SP4: variants seen among roughly 807,000 people sequenced by gnomAD.
The protein encoded by SP4 is transcription factor Sp4.
SP4 carries 19 observed loss-of-function variants against 72.8 expected under a neutral mutation model. The observed-to-expected ratio is 0.26, with a 90% CI of 0.18 to 0.38. The LOEUF is 0.38. Ranked by LOEUF, SP4 falls within the 10% of genes least tolerant of loss-of-function variation. SP4 has a pLI of 1.00. For missense variants in SP4, 1,008 were observed against 926.3 expected (o/e 1.09, Z -1.14); for synonymous variants, 395 against 333.1 (o/e 1.19, Z -2.02).
intron 3 of SP4, among the ~76,000 whole-genome samples, chr7:21,434,665 A>G (rs1047136949): frequency 1.5e-4 from 23 of 152,084 alleles, no homozygotes; most frequent in African/African-American, 5.6e-4. Flanking sequence ...ACATGGATAT[A>G]TTGCATAGTG....
At chr7:21,482,667 C>T (rs576730381) in intron 5 of SP4, 2 of 984,182 alleles carry the variant, frequency 2.0e-6, no homozygotes, top group South Asian at 9.4e-5. Flanking sequence ...AAGACTGCAG[C>T]TGCTATAAAT....
intron 3 of SP4, among the ~76,000 whole-genome samples, chr7:21,460,848 A>G (rs1783945529): frequency 6.6e-6 from 1 of 152,208 alleles, no homozygotes; most frequent in Non-Finnish European, 1.5e-5. Flanking sequence ...AGCTAGACAC[A>G]GAGTGCTGAT....
chr7:21,490,114 A>T (rs1284536028), intron 5 of SP4, among the ~76,000 whole-genome samples: 2 of 152,246 alleles, frequency 1.3e-5, no homozygotes, highest in African/African-American at 4.8e-5. Context: ...TTTCTTAAGT[A>T]TCTAAATGAG....
chr7:21,488,654 G>A (rs894937741), intron 5 of SP4, among the ~76,000 whole-genome samples: 1 of 151,956 alleles, frequency 6.6e-6, no homozygotes, highest in Non-Finnish European at 1.5e-5. Context: ...CAGCTACTCA[G>A]GAGGCTGAGG....
chr7:21,450,220 A>G (rs1783547615), intron 3 of SP4, among the ~76,000 whole-genome samples: 1 of 152,078 alleles, frequency 6.6e-6, no homozygotes, highest in African/African-American at 2.4e-5. Flanking sequence ...TTCTGTTTTT[A>G]TGGTAAATTT....
rs369801483 is a variant in SP4 at position 21,430,692 on chromosome 7, G to A, written c.1527G>A (p.Gln509=). The A allele has an allele frequency of 6.2e-7, 1 of 1,614,220 alleles. No homozygotes were observed. Among genetic ancestry groups the A allele is most frequent in the Non-Finnish European group, 8.5e-7 (1 of 1,180,040 alleles). ...CAAGTGGTGGCACAACTCTTGCTCA[G>A]ATTGCTCCTGTGGCTGTTGCTGGTG... ...VSSSGGTTLA[Q]IAPVAVAGAP... is the part of the protein sequence containing the mutation. Residue 509 remains glutamine (Q), a synonymous_variant, in exon 3 of 6, where the codon CAG becomes CAA. Coordinates refer to ENST00000222584, the MANE Select transcript of SP4 (RefSeq NM_003112.5).
intron 3 of SP4, among the ~76,000 whole-genome samples, chr7:21,459,113 G>A (rs1472124407): frequency 8.6e-6 from 1 of 116,232 alleles, no homozygotes; most frequent in Non-Finnish European, 1.7e-5. Flanking sequence ...TAATGTTTTG[G>A]GAATTGTTTT....
intron 5 of SP4, among the ~76,000 whole-genome samples, chr7:21,482,324 T>C (rs373074657): frequency 6.6e-6 from 1 of 152,234 alleles, no homozygotes; most frequent in South Asian, 2.1e-4. Flanking sequence ...TTGTAAACTT[T>C]ATCAGCATAT....
intron 3 of SP4, among the ~76,000 whole-genome samples, chr7:21,451,880 A>G (rs1783612258): frequency 6.6e-6 from 1 of 152,214 alleles, no homozygotes; most frequent in South Asian, 2.1e-4. Context: ...GAGACTCCCA[A>G]CATGCCAGGC....
chr7:21,459,082 A>C (rs959527519), intron 3 of SP4, among the ~76,000 whole-genome samples: 13 of 151,620 alleles, frequency 8.6e-5, no homozygotes, highest in Non-Finnish European at 1.9e-4. Flanking sequence ...TTAAACTTCT[A>C]TAGAATTAAA....
chr7:21,428,582 C>T, intron 1 of SP4, 95 bp from the exon 2 acceptor site: 1 of 1,255,248 alleles, frequency 8.0e-7, no homozygotes, highest in Non-Finnish European at 1.1e-6. Flanking sequence ...GATTAATGTT[C>T]GGGGGGAGGG....
intron 5 of SP4, among the ~76,000 whole-genome samples, chr7:21,504,563 G>C (rs996487228): frequency 5.3e-5 from 8 of 152,100 alleles, no homozygotes; most frequent in African/African-American, 1.9e-4. Flanking sequence ...CCTAAGGTTT[G>C]GTCCTACTTT....
chr7:21,501,001 C>T (rs1340205331), intron 5 of SP4, among the ~76,000 whole-genome samples: 1 of 152,032 alleles, frequency 6.6e-6, no homozygotes, highest in Non-Finnish European at 1.5e-5. Context: ...GCAGGCACAC[C>T]CAGGGCAGTT....
At position 21,459,519 on chromosome 7, in the gene SP4, T is replaced by G. The variant is rs1050860780; in HGVS notation, c.1679-17560T>G. On this transcript the variant is annotated intron_variant, in intron 3 of 5. Coordinates refer to ENST00000222584, the MANE Select transcript of SP4 (RefSeq NM_003112.5). ...GAGGGGAAAGATACTAACCATAAAC[T>G]CTTTGTGTTTTACCCAGGTAATATA... is the stretch of plus-strand genomic sequence containing the variant. Among the ~76,000 whole-genome samples, 25 of 152,310 alleles carry G rather than the reference T, an allele frequency of 1.6e-4. No homozygotes were observed. In the South Asian group the frequency reaches 2.1e-3, roughly 13 times the overall value.
chr7:21,460,647 G>A (rs1023266084), intron 3 of SP4, among the ~76,000 whole-genome samples: 10 of 152,286 alleles, frequency 6.6e-5, no homozygotes, highest in East Asian at 3.9e-4. Flanking sequence ...ACAGAGAGCC[G>A]ATTGGTCTGT....
intron 4 of SP4, among the ~76,000 whole-genome samples, chr7:21,477,870 G>T (rs57213984): frequency 0.035 from 5,322 of 151,936 alleles, 326 homozygotes; most frequent in East Asian, 0.26. Context: ...AAATATTTAC[G>T]TAACTTTATT....
rs147430034 is a variant in SP4 at position 21,430,196 on chromosome 7, C to A, written c.1031C>A (p.Thr344Asn). The A allele has an allele frequency of 1.0e-3, 1,674 of 1,614,202 alleles. 2 individuals carry two copies. The highest frequency in any genetic ancestry group is 1.3e-3 in the Non-Finnish European group (1,567 of 1,180,044). The change falls in exon 3 of 6, where the codon ACT (threonine) becomes AAT (asparagine). Residue 344 changes from threonine to asparagine, a missense_variant. By Grantham distance (65) the Thr-to-Asn change is moderately conservative (BLOSUM62 0). Transcript: ENST00000222584. Reference protein sequence around the residue: ...SSDTLVSSADTGQYASTSASS... With the variant: ...SSDTLVSSADNGQYASTSASS... The stretch of plus-strand genomic sequence containing the variant: ...GACACATTAGTGAGCTCAGCAGATA[C>A]TGGCCAGTATGCAAGCACATCAGCC...
intron 5 of SP4, among the ~76,000 whole-genome samples, chr7:21,510,470 GTTATC>G (rs1293132776): frequency 6.6e-6 from 1 of 152,142 alleles, no homozygotes; most frequent in African/African-American, 2.4e-5. Context: ...AACAGAAACT[GTTATC>G]TTATGAAACC....
intron 5 of SP4, among the ~76,000 whole-genome samples, chr7:21,503,821 T>G (rs1352187616): frequency 6.6e-6 from 1 of 152,228 alleles, no homozygotes; most frequent in African/African-American, 2.4e-5. Context: ...TTTTGACAAG[T>G]TAACACAATT....
Sources: gnomAD v4.1 joint callset for allele counts (sites outside exome capture counted in the v4.1 genomes callset) on GRCh38, gnomAD v4.1.1 for gene constraint, MANE v1.5 for transcripts, NCBI Gene and HGNC (gene_info 2026-07-23, HGNC 2026-07-21) for gene names.